GBP7: variants seen among roughly 807,000 people sequenced by gnomAD.
The protein encoded by GBP7 is guanylate binding protein 7, also known as guanylate-binding protein 7.
Under a neutral mutation model 61.3 loss-of-function variants are expected in GBP7, and 43 were observed. The ratio of observed to expected loss-of-function variants is 0.70; its 90% CI spans 0.55 to 0.91. The LOEUF is 0.91. Among genes scored for constraint, GBP7 ranks in the 40% least tolerant of loss-of-function variants. The probability of loss-of-function intolerance (pLI) is 0.00; values close to 1 mark genes in which losing one functional copy is unlikely to be tolerated. For synonymous variants in GBP7, 267 were observed against 271.0 expected (o/e 0.99, Z 0.14); for missense variants, 717 against 740.5 (o/e 0.97, Z 0.37).
chr1:89,133,479 A>G (rs946461381), intron 9 of GBP7, 28 bp from the exon 10 acceptor site: 6 of 1,591,996 alleles, frequency 3.8e-6, no homozygotes, highest in Non-Finnish European at 5.2e-6. Context: ...TACAGAGGGA[A>G]GAAAATAACA....
intron 9 of GBP7, among the ~76,000 whole-genome samples, chr1:89,135,623 CT>C (rs1681782489): frequency 6.6e-6 from 1 of 152,116 alleles, no homozygotes; most frequent in East Asian, 1.9e-4. Context: ...AAAAAAAATC[CT>C]TTTTAGACAA....
intron 3 of GBP7, among the ~76,000 whole-genome samples, chr1:89,155,998 T>A (rs969930457): frequency 6.6e-6 from 1 of 152,190 alleles, no homozygotes; most frequent in African/African-American, 2.4e-5. Context: ...ATCAGACTAA[T>A]AGCAGATCTC....
At chr1:89,161,351 T>C (rs1647261331) in intron 3 of GBP7, among the ~76,000 whole-genome samples, 1 of 152,186 alleles carries the variant, frequency 6.6e-6, no homozygotes. Flanking sequence ...GTTGCCACAC[T>C]GTCTCCCACA....
At position 89,132,122 on chromosome 1, in the gene GBP7, C is replaced by T. The variant is rs371842410; in HGVS notation, c.*27G>A. On this transcript the variant is annotated 3_prime_UTR_variant, in exon 11 of 11. Transcript: ENST00000294671. ...CATATACTTTTAAAATGAGCAACAG[C>T]GTTATACCATTTTAACAAAAGAAAC... is the stretch of plus-strand genomic sequence containing the variant. 299 of 1,573,998 alleles carry T rather than the reference C, an allele frequency of 1.9e-4. 15 individuals are homozygous for T. The highest frequency in any genetic ancestry group is 7.9e-4 in the African/African-American group (58 of 73,100).
intron 8 of GBP7, among the ~76,000 whole-genome samples, chr1:89,143,519 A>AT (rs1028649093): frequency 6.6e-6 from 1 of 152,016 alleles, no homozygotes; most frequent in Non-Finnish European, 1.5e-5. Context: ...TCTACATTTA[A>AT]TTTTTTTTAT....
rs1006353493 is a variant in GBP7 at position 89,142,529 on chromosome 1, G to A, written c.1366-881C>T. 2.6e-5 allele frequency among the ~76,000 whole-genome samples: 4 copies of A among 152,192 alleles called. No homozygotes were observed. The East Asian group carries it at 5.8e-4, about 22-fold the overall frequency. On this transcript the variant is annotated intron_variant, in intron 8 of 10. Transcript: ENST00000294671. ...GCCTTCCAAAGCGTTGGGATTATAGGTGTGAGCCACTGTACCTGGCCTGAG... is the reference window on the plus strand; with the variant it reads ...GCCTTCCAAAGCGTTGGGATTATAGATGTGAGCCACTGTACCTGGCCTGAG...
Position 89,147,681 on chromosome 1 carries a change from C to A in GBP7, c.1251G>T (p.Leu417Phe), listed in dbSNP as rs745941547. Reference sequence around the variant, plus strand: ...AAGTTCCTCTTGAAATACTTTCTGTCAAGAGCTCTGAAAGCCGCTTAAGCT... The same window carrying A: ...AAGTTCCTCTTGAAATACTTTCTGTAAAGAGCTCTGAAAGCCGCTTAAGCT... ...QAELKRLSEL[L>F]TESISRGTFF... The change falls in exon 8 of 11, where the codon TTG (leucine) becomes TTT (phenylalanine). Residue 417 changes from leucine to phenylalanine, a missense_variant. Leu to Phe is a conservative substitution (Grantham distance 22, BLOSUM62 0). Around this residue, in one of 3 missense-constraint regions of GBP7, gnomAD observed 312 missense variants for 310.1 expected, o/e 1.01. Transcript: ENST00000294671. 6.2e-7 allele frequency: 1 copy of A among 1,614,196 alleles called. No homozygotes were observed. Among genetic ancestry groups the A allele is most frequent in the Admixed American group, 1.7e-5 (1 of 60,024 alleles).
chr1:89,148,760 TTC>T (rs1682124468), intron 7 of GBP7, among the ~76,000 whole-genome samples: 1 of 152,152 alleles, frequency 6.6e-6, no homozygotes, highest in South Asian at 2.1e-4. Context: ...TAAAAAGAAC[TTC>T]TGACTTACGG....
chr1:89,161,802 T>C (rs1647277226), intron 3 of GBP7, among the ~76,000 whole-genome samples: 1 of 152,198 alleles, frequency 6.6e-6, no homozygotes, highest in African/African-American at 2.4e-5. Context: ...TTTGCTTTTG[T>C]TACTATAGCT....
chr1:89,171,891 C>T lies in GBP7; in HGVS notation c.45G>A (p.Glu15=). Residue 15 remains glutamate, a synonymous_variant, in exon 2 of 11, where the codon GAG becomes GAA. Transcript: ENST00000294671. ...IHMPGPVCLT[E]NTKGHLVVNS... ...TCACCACCAGATGCCCTTTAGTGTT[C>T]TCAGTGAGGCACACTGGGCCTGGCA... 1 of 1,613,640 alleles carries T rather than the reference C, an allele frequency of 6.2e-7. No individual in the cohort carries two copies. The highest frequency in any genetic ancestry group is 8.5e-7 in the Non-Finnish European group (1 of 1,179,758).
chr1:89,156,478 A>C (rs1682317613), intron 3 of GBP7, among the ~76,000 whole-genome samples: 1 of 152,354 alleles, frequency 6.6e-6, no homozygotes, highest in African/African-American at 2.4e-5. Context: ...GCAGAGACAC[A>C]CATAGTCTCA....
intron 3 of GBP7, 58 bp downstream of exon 3, chr1:89,164,673 A>C: frequency 6.4e-7 from 1 of 1,560,572 alleles, no homozygotes; most frequent in Non-Finnish European, 8.8e-7. Flanking sequence ...GATACTATGC[A>C]TAAAAACATA....
chr1:89,170,331 G>A lies in GBP7; in HGVS notation c.190+1415C>T, dbSNP rs115610787. ...TAAGCTTTGTACCTGTTACCTGTCT[G>A]ACTTCTGCAGAAACGACACTCCTAA... is the stretch of plus-strand genomic sequence containing the variant. On this transcript the variant is annotated intron_variant, in intron 2 of 10. Coordinates refer to ENST00000294671, the MANE Select transcript of GBP7 (RefSeq NM_207398.3). 5.5e-3 allele frequency among the ~76,000 whole-genome samples: 843 copies of A among 152,288 alleles called. 11 individuals are homozygous for A. The highest frequency in any genetic ancestry group is 8.2e-3 in the Non-Finnish European group (560 of 68,020).
Position 89,171,932 on chromosome 1 carries a change from C to A in GBP7, c.4G>T (p.Ala2Ser). The part of the protein sequence containing the change: M[A>S]SEIHMPGPVC... ...GGGCCTGGCATGTGGATCTCTGATG[C>A]CATGTTCAGGGCGTTCCTCTGTCTG... Residue 2 changes from alanine (A) to serine (S), a missense_variant, in exon 2 of 11, where the codon GCA (alanine) becomes TCA (serine). Ala to Ser is a moderately conservative substitution (Grantham distance 99). Around this residue, in one of 3 missense-constraint regions of GBP7, gnomAD observed 387 missense variants for 385.2 expected, o/e 1.00. Coordinates refer to ENST00000294671, the MANE Select transcript of GBP7 (RefSeq NM_207398.3). The A allele has an allele frequency of 6.2e-7, 1 of 1,610,980 alleles. No individual in the cohort carries two copies. The highest frequency in any genetic ancestry group is 8.5e-7 in the Non-Finnish European group (1 of 1,177,814).
intron 3 of GBP7, among the ~76,000 whole-genome samples, chr1:89,157,638 T>TC (rs1682346926): frequency 6.6e-6 from 1 of 151,614 alleles, no homozygotes. Flanking sequence ...ATACACACCC[T>TC]CCAAGACTAA....
At chr1:89,170,357 C>T (rs1428903767) in intron 2 of GBP7, among the ~76,000 whole-genome samples, 1 of 152,186 alleles carries the variant, frequency 6.6e-6, no homozygotes, top group African/African-American at 2.4e-5. Context: ...ACACTCCTAA[C>T]AGAATAATGC....
intron 8 of GBP7, among the ~76,000 whole-genome samples, chr1:89,147,255 C>G (rs1682090695): frequency 6.6e-6 from 1 of 152,108 alleles, no homozygotes; most frequent in African/African-American, 2.4e-5. Context: ...TCGTAAGATT[C>G]TGAAAACAAA....
chr1:89,149,718 C>A, intron 6 of GBP7, 146 bp from the exon 7 acceptor site: 4 of 616,064 alleles, frequency 6.5e-6, no homozygotes, highest in Non-Finnish European at 1.1e-5. Flanking sequence ...TCTACTATTA[C>A]TACTACTACT....
At chr1:89,153,783 A>G (rs560090779) in intron 3 of GBP7, among the ~76,000 whole-genome samples, 1 of 152,368 alleles carries the variant, frequency 6.6e-6, no homozygotes, top group East Asian at 1.9e-4. Context: ...GAAAATAAAG[A>G]GAAACAAATG....
Sources: allele counts gnomAD v4.1 joint callset (sites outside exome capture counted in the v4.1 genomes callset), GRCh38; gene constraint gnomAD v4.1.1; regional missense constraint gnomAD v4.1.1; transcripts MANE v1.5; gene names NCBI Gene and HGNC (gene_info 2026-07-23, HGNC 2026-07-21).